HIRA: variants seen among roughly 807,000 people sequenced by gnomAD.
The protein encoded by HIRA is protein HIRA.
A neutral mutation model predicts 126.6 loss-of-function variants in HIRA; 13 were observed. The observed-to-expected ratio is 0.10, with a 90% CI of 0.07 to 0.16. HIRA has a LOEUF of 0.16. HIRA is among the 10% of genes least tolerant of loss of function. The pLI is 1.00. For missense variants in HIRA, 834 were observed against 1,314.4 expected, an observed-to-expected ratio of 0.63 and a Z score of 5.65; for synonymous variants, 511 against 520.0, an observed-to-expected ratio of 0.98 and a Z score of 0.24.
rs1236677663 is a variant in HIRA, at chr22:19,375,702, C to T, written c.1704G>A (p.Arg568=). The T allele has an allele frequency of 5.6e-6, 9 of 1,614,170 alleles. No individual in the cohort carries two copies. Among genetic ancestry groups the T allele is most frequent in the Non-Finnish European group, 7.6e-6 (9 of 1,180,040 alleles). ...KIEPMKAFDS[R]FTERSKATPG... ...GTGTGGCTTTGGACCGCTCTGTGAA[C>T]CGGGAGTCAAACGCTTTCATGGGTT... Residue 568 remains arginine (R), a synonymous_variant, in exon 15 of 25, where the codon CGG becomes CGA. Transcript: ENST00000263208.
At chr22:19,356,495 A>G (rs1378156815) in intron 19 of HIRA, among the ~76,000 whole-genome samples, 4 of 152,182 alleles carry the variant, frequency 2.6e-5, no homozygotes, top group South Asian at 4.1e-4. Context: ...AAGCCCAGGC[A>G]ACAGAGCCAT....
chr22:19,407,495 C>A (rs2089317750), intron 3 of HIRA, among the ~76,000 whole-genome samples: 1 of 152,172 alleles, frequency 6.6e-6, no homozygotes, highest in Non-Finnish European at 1.5e-5. Context: ...GAAAAATATA[C>A]ATTATCTGAG....
At chr22:19,412,011 C>G (rs2146246001) in intron 1 of HIRA, among the ~76,000 whole-genome samples, 1 of 152,358 alleles carries the variant, frequency 6.6e-6, no homozygotes, top group Middle Eastern at 3.4e-3. Context: ...AATACACTTT[C>G]CTTCTTACTG....
At chr22:19,347,482 C>T (rs1275151028) in intron 24 of HIRA, among the ~76,000 whole-genome samples, 1 of 151,918 alleles carries the variant, frequency 6.6e-6, no homozygotes. Context: ...TCACTGACAA[C>T]AAAGAAAAAA....
intron 17 of HIRA, among the ~76,000 whole-genome samples, 191 bp downstream of exon 17, chr22:19,361,046 T>C (rs1336116282): frequency 1.3e-5 from 2 of 152,010 alleles, no homozygotes; most frequent in African/African-American, 4.8e-5. Flanking sequence ...TATGGGTGAG[T>C]GAGAGTGGAG....
intron 15 of HIRA, among the ~76,000 whole-genome samples, chr22:19,373,867 C>T (rs2088990665): frequency 8.1e-6 from 1 of 124,014 alleles, no homozygotes; most frequent in Admixed American, 8.5e-5. Flanking sequence ...GTCATTAAAA[C>T]TCAAGGTCCT....
intron 24 of HIRA, among the ~76,000 whole-genome samples, chr22:19,341,276 C>A (rs2088625275): frequency 6.6e-6 from 1 of 151,886 alleles, no homozygotes; most frequent in Non-Finnish European, 1.5e-5. Context: ...CATGGTGAAA[C>A]CCTATCTTTA....
intron 1 of HIRA, among the ~76,000 whole-genome samples, chr22:19,424,080 G>A (rs2089470213): frequency 6.6e-6 from 1 of 152,190 alleles, no homozygotes; most frequent in Admixed American, 6.5e-5. Flanking sequence ...CCAGCACTCA[G>A]CACTCCTTCA....
chr22:19,395,036 T>C (rs2106144), intron 7 of HIRA, among the ~76,000 whole-genome samples: 148,211 of 152,326 alleles, frequency 0.97, 72,137 homozygotes, highest in East Asian at 1. Context: ...GTGGTGAGGA[T>C]ACCCGCAAGG....
At chr22:19,338,180 A>G (rs1237059710) in intron 24 of HIRA, among the ~76,000 whole-genome samples, 5 of 152,164 alleles carry the variant, frequency 3.3e-5, no homozygotes, top group Non-Finnish European at 7.4e-5. Context: ...TTCCTCAAAC[A>G]AACTAACTGC....
At chr22:19,342,535 C>T (rs782102757) in intron 24 of HIRA, among the ~76,000 whole-genome samples, 8 of 152,116 alleles carry the variant, frequency 5.3e-5, no homozygotes, top group Admixed American at 1.3e-4. Flanking sequence ...TATAGGCATG[C>T]GCCACCATGG....
At chr22:19,339,828 T>C (rs1556007118) in intron 24 of HIRA, among the ~76,000 whole-genome samples, 3 of 151,780 alleles carry the variant, frequency 2.0e-5, no homozygotes, top group Admixed American at 6.6e-5. Context: ...CAGGAAAAAA[T>C]AGAAACTTTG....
At chr22:19,333,338 TATG>T (rs2088517142) in intron 24 of HIRA, among the ~76,000 whole-genome samples, 1 of 152,094 alleles carries the variant, frequency 6.6e-6, no homozygotes, top group Non-Finnish European at 1.5e-5. Context: ...AAGAAAAAGA[TATG>T]ATTACTATCA....
intron 6 of HIRA, 74 bp from the exon 7 acceptor site, chr22:19,397,021 G>A (rs1601843623): frequency 2.9e-6 from 4 of 1,401,724 alleles, no homozygotes; most frequent in Non-Finnish European, 4.0e-6. Flanking sequence ...GCCATGGGAT[G>A]GATATGCAAG....
At position 19,359,555 on chromosome 22, in the gene HIRA, T is replaced by C. The variant is rs1021016684; in HGVS notation, c.2086-71A>G. ...CCAGGTGACATGCTCCAAGGCTCTG[T>C]AGCCTGGGGCCCCAAGGCAGCAGCA... On this transcript the variant is annotated intron_variant, in intron 17 of 24. Transcript: ENST00000263208. 10 of 1,408,900 alleles carry C rather than the reference T, an allele frequency of 7.1e-6. No individual in the cohort carries two copies. The East Asian group carries it at 2.1e-4, about 29-fold the overall frequency. 87.3% of individuals were successfully genotyped at this position (1,408,900 alleles called of 1,614,324 possible). A position where few individuals can be genotyped will look rare whatever the true frequency, so the allele number is the denominator to read the frequency against.
In HIRA at chr22:19,331,025, A is replaced by C. The variant is rs782292563; in HGVS notation, c.*415T>G. 1.4e-4 allele frequency: 87 copies of C among 618,038 alleles called. 1 individual carries two copies. The Middle Eastern group carries it at 2.7e-3, about 19-fold the overall frequency. The allele number at this position is 618,038 out of a possible 1,614,324, so 38.3% of individuals were successfully genotyped here. On this transcript the variant is annotated 3_prime_UTR_variant, in exon 25 of 25. Transcript: ENST00000263208. ...TTTCCTTTTACATAGGTCTTAGGTC[A>C]GTCTGCTGTAATACCTAACGCTTCC...
At chr22:19,353,646 C>T (rs1263045728) in intron 22 of HIRA, 127 bp from the exon 23 acceptor site, 21 of 933,400 alleles carry the variant, frequency 2.2e-5, no homozygotes, top group Non-Finnish European at 2.2e-5. Flanking sequence ...GCCTCCCGTC[C>T]ACTAGCCAGT....
At chr22:19,344,514 C>G in intron 24 of HIRA, among the ~76,000 whole-genome samples, 1 of 152,074 alleles carries the variant, frequency 6.6e-6, no homozygotes, top group East Asian at 1.9e-4. Flanking sequence ...ATCAATAAAA[C>G]AAACCCTCTC....
chr22:19,406,447 G>A (rs539566776), intron 4 of HIRA, among the ~76,000 whole-genome samples: 1 of 152,296 alleles, frequency 6.6e-6, no homozygotes, highest in East Asian at 1.9e-4. Context: ...ATAGGTACTA[G>A]CCCCCACCAC....
Sources: gnomAD v4.1 joint callset for allele counts (sites outside exome capture counted in the v4.1 genomes callset) on GRCh38, gnomAD v4.1.1 for gene constraint, MANE v1.5 for transcripts, NCBI Gene and HGNC (gene_info 2026-07-23, HGNC 2026-07-21) for gene names.